The following AFAP1L1 variants were observed in gnomAD, a reference collection of about 807,000 sequenced individuals.
AFAP1L1 encodes actin filament-associated protein 1-like 1.
In AFAP1L1, 77 loss-of-function variants were observed where a neutral mutation model predicts 99.8. The observed-to-expected ratio is 0.77, with a 90% CI of 0.64 to 0.93. The LOEUF is 0.93. Ranked by LOEUF, AFAP1L1 falls within the 40% of genes least tolerant of loss-of-function variation. AFAP1L1 has a pLI of 0.00. For missense variants in AFAP1L1, 893 were observed against 996.8 expected (o/e 0.90, Z 1.40); for synonymous variants, 373 against 395.3 (o/e 0.94, Z 0.67).
intron 15 of AFAP1L1, among the ~76,000 whole-genome samples, chr5:149,324,218 AACT>A (rs1757032674): frequency 1.3e-5 from 2 of 152,070 alleles, no homozygotes; most frequent in Non-Finnish European, 2.9e-5. Flanking sequence ...TAAGCTGGGG[AACT>A]TATAAATAAC....
chr5:149,330,879 A>G (rs1272132287), intron 16 of AFAP1L1, among the ~76,000 whole-genome samples: 1 of 152,188 alleles, frequency 6.6e-6, no homozygotes, highest in Non-Finnish European at 1.5e-5. Context: ...TCACTGATAT[A>G]TCTAGGGCCA....
At chr5:149,319,769 C>T in intron 13 of AFAP1L1, 42 bp downstream of exon 13, 2 of 1,603,024 alleles carry the variant, frequency 1.2e-6, no homozygotes, top group Non-Finnish European at 1.7e-6. Context: ...CAGGACCTTT[C>T]CTGTCTCCAT....
Position 149,302,478 on chromosome 5 carries a change from G to T in AFAP1L1, c.388G>T (p.Ala130Ser). Residue 130 changes from alanine (A) to serine (S), a missense_variant, in exon 5 of 19, where the codon GCC (alanine) becomes TCC (serine). By Grantham distance (99) the Ala-to-Ser change is moderately conservative. Coordinates refer to ENST00000296721, the MANE Select transcript of AFAP1L1 (RefSeq NM_152406.4). ...TCCCCCTGAGGACTACTATGAAGAGGCCCTTCCTCTGGGACCCGGCAAGTC... is the reference window on the plus strand; with the variant it reads ...TCCCCCTGAGGACTACTATGAAGAGTCCCTTCCTCTGGGACCCGGCAAGTC... The part of the protein sequence containing the change: ...KPPPEDYYEE[A>S]LPLGPGKSPE... 6.3e-7 allele frequency: 1 copy of T among 1,597,030 alleles called. No homozygotes were observed. The highest frequency in any genetic ancestry group is 2.3e-5 in the East Asian group (1 of 44,340).
chr5:149,328,141 A>G (rs893670488), intron 15 of AFAP1L1, among the ~76,000 whole-genome samples: 2 of 152,218 alleles, frequency 1.3e-5, no homozygotes, highest in Non-Finnish European at 2.9e-5. Flanking sequence ...TCCATGCTGT[A>G]TTTATGATCA....
At position 149,306,389 on chromosome 5, in the gene AFAP1L1, G is replaced by A. The variant is rs550069903; in HGVS notation, c.520G>A (p.Glu174Lys). ...SSYPATRVNG[E>K]LKSSYNDSDA... ...CTACCCTGCAACCAGGGTGAACGGCGAGCTTAAGAGCTCCTGTAAGTACCA... is the reference window on the plus strand; with the variant it reads ...CTACCCTGCAACCAGGGTGAACGGCAAGCTTAAGAGCTCCTGTAAGTACCA... Residue 174 changes from glutamate (E) to lysine (K), a missense_variant, in exon 6 of 19, where the codon GAG becomes AAG. Glu to Lys is a moderately conservative substitution (Grantham distance 56). Coordinates refer to ENST00000296721, the MANE Select transcript of AFAP1L1 (RefSeq NM_152406.4). The A allele has an allele frequency of 1.9e-5, 31 of 1,611,466 alleles. No individual in the cohort carries two copies. Among genetic ancestry groups the A allele is most frequent in the Middle Eastern group, 1.7e-4 (1 of 6,056 alleles).
chr5:149,297,064 A>G (rs972193911), intron 1 of AFAP1L1, among the ~76,000 whole-genome samples: 6 of 152,136 alleles, frequency 3.9e-5, no homozygotes, highest in African/African-American at 1.4e-4. Context: ...CAACAATTCA[A>G]GGTGAGATTT....
intron 7 of AFAP1L1, among the ~76,000 whole-genome samples, chr5:149,309,654 G>A (rs1221763622): frequency 6.6e-6 from 1 of 152,140 alleles, no homozygotes; most frequent in African/African-American, 2.4e-5. Flanking sequence ...TTCCTCCCGA[G>A]CCAGCCCATT....
chr5:149,306,679 A>G (rs1271708580), intron 6 of AFAP1L1, among the ~76,000 whole-genome samples: 1 of 152,248 alleles, frequency 6.6e-6, no homozygotes, highest in Non-Finnish European at 1.5e-5. Flanking sequence ...AAGTTTCCTT[A>G]TCTATAAAAT....
chr5:149,296,141 C>T (rs146700436), intron 1 of AFAP1L1, among the ~76,000 whole-genome samples: 1 of 152,240 alleles, frequency 6.6e-6, no homozygotes, highest in African/African-American at 2.4e-5. Context: ...TCAAGCAATC[C>T]TCCCACCCCA....
At chr5:149,298,494 T>C (rs1286836621) in intron 1 of AFAP1L1, among the ~76,000 whole-genome samples, 1 of 152,202 alleles carries the variant, frequency 6.6e-6, no homozygotes, top group Non-Finnish European at 1.5e-5. Context: ...AGTTTCATCC[T>C]CCATGTAATG....
At chr5:149,277,383 C>T (rs1416889720) in intron 1 of AFAP1L1, among the ~76,000 whole-genome samples, 1 of 152,172 alleles carries the variant, frequency 6.6e-6, no homozygotes, top group Admixed American at 6.5e-5. Context: ...TCCGTTGAAC[C>T]AGCTTTTGAG....
At chr5:149,289,117 G>A (rs1315060752) in intron 1 of AFAP1L1, among the ~76,000 whole-genome samples, 1 of 152,166 alleles carries the variant, frequency 6.6e-6, no homozygotes, top group Non-Finnish European at 1.5e-5. Context: ...TCTTACAGAA[G>A]AGGAAGATGA....
chr5:149,311,399 T>A (rs1314161817), intron 8 of AFAP1L1, among the ~76,000 whole-genome samples: 3 of 152,198 alleles, frequency 2.0e-5, no homozygotes, highest in Non-Finnish European at 4.4e-5. Context: ...AGGTTAACAG[T>A]GGGCAGCTGA....
intron 1 of AFAP1L1, among the ~76,000 whole-genome samples, chr5:149,274,642 G>A (rs1755251178): frequency 1.3e-5 from 2 of 152,190 alleles, no homozygotes; most frequent in African/African-American, 4.8e-5. Context: ...ACTTTGGGAG[G>A]CCAAGGTGGG....
chr5:149,332,999 G>A lies in AFAP1L1; in HGVS notation c.2154+126G>A. On this transcript the variant is annotated intron_variant, in intron 17 of 18. Transcript: ENST00000296721. ...CCCACTTACAGACAAGAAAACTGAA[G>A]TCCAAAGAGGTGAAGGGCATGCCAT... is the stretch of plus-strand genomic sequence containing the variant. 5 of 1,279,366 alleles carry A rather than the reference G, an allele frequency of 3.9e-6. No individual in the cohort carries two copies. In the South Asian group the frequency reaches 6.9e-5, roughly 18 times the overall value. 79.3% of individuals were successfully genotyped at this position (1,279,366 alleles called of 1,614,324 possible). A position where few individuals can be genotyped will look rare whatever the true frequency, so the allele number is the denominator to read the frequency against.
chr5:149,322,526 T>G (rs1756978840), intron 14 of AFAP1L1, 80 bp from the exon 15 acceptor site: 2 of 988,038 alleles, frequency 2.0e-6, no homozygotes, highest in Non-Finnish European at 3.0e-6. Flanking sequence ...GACTCCATAC[T>G]GAGCAAAGAC....
chr5:149,303,421 T>G (rs1042083271), intron 5 of AFAP1L1, among the ~76,000 whole-genome samples: 38 of 152,330 alleles, frequency 2.5e-4, no homozygotes, highest in African/African-American at 8.9e-4. Context: ...GTAAAAGGAC[T>G]TAACGTTACA....
intron 18 of AFAP1L1, among the ~76,000 whole-genome samples, chr5:149,336,087 A>G (rs1463410715): frequency 1.3e-5 from 2 of 152,090 alleles, no homozygotes; most frequent in Non-Finnish European, 2.9e-5. Context: ...ACCTCTTCCA[A>G]TTCTAAGTCC....
chr5:149,283,962 C>T (rs1035067936), intron 1 of AFAP1L1, among the ~76,000 whole-genome samples: 3 of 152,248 alleles, frequency 2.0e-5, no homozygotes, highest in African/African-American at 4.8e-5. Context: ...ACTTGGTCAC[C>T]GATGCCTGGA....
Sources: allele counts gnomAD v4.1 joint callset (sites outside exome capture counted in the v4.1 genomes callset), GRCh38; gene constraint gnomAD v4.1.1; transcripts MANE v1.5; gene names NCBI Gene and HGNC (gene_info 2026-07-23, HGNC 2026-07-21).